Variants in SSX7 observed in about 807,000 individuals in gnomAD.
SSX7 encodes the protein SSX family member 7, also known as protein SSX7.
Under a neutral mutation model 14.7 loss-of-function variants are expected in SSX7, and 15 were observed. The ratio of observed to expected loss-of-function variants is 1.02; its 90% CI spans 0.68 to 1.58. The LOEUF (loss-of-function observed/expected upper bound fraction) is 1.58, where lower values mean the gene tolerates loss of function less well. SSX7 is among the 40% of genes most tolerant of loss of function. The probability of loss-of-function intolerance (pLI) is 0.00; values close to 1 mark genes in which losing one functional copy is unlikely to be tolerated. For missense variants in SSX7, 178 were observed against 146.8 expected, an observed-to-expected ratio of 1.21 and a Z score of -1.10; for synonymous variants, 46 against 50.6, an observed-to-expected ratio of 0.91 and a Z score of 0.38.
Position 52,653,011 on chromosome X carries a change from G to C in SSX7, c.70-27C>G, listed in dbSNP as rs781806558. ...TAGGAAAAGATAAAAAAGGAATTTTGTCAGTGACTCAGCTAGACATGTCTG... is the reference window on the plus strand; with the variant it reads ...TAGGAAAAGATAAAAAAGGAATTTTCTCAGTGACTCAGCTAGACATGTCTG... On this transcript the variant is annotated intron_variant, in intron 2 of 7. Transcript: ENST00000298181. 1.8e-5 allele frequency: 21 copies of C among 1,189,692 alleles called. No individual in the cohort carries two copies. The South Asian group carries it at 2.5e-4, about 14-fold the overall frequency.
intron 6 of SSX7, among the ~76,000 whole-genome samples, chrX:52,646,626 G>A (rs1385051014): frequency 8.9e-6 from 1 of 111,808 alleles, no homozygotes; most frequent in Admixed American, 9.5e-5. Flanking sequence ...ACCCATAGAA[G>A]ATGACAAACT....
chrX:52,645,920 CT>C (rs1280842117), intron 6 of SSX7, among the ~76,000 whole-genome samples: 1 of 110,480 alleles, frequency 9.1e-6, no homozygotes, highest in African/African-American at 3.3e-5. Context: ...TTTTTGGAAA[CT>C]CTCATCAATT....
chrX:52,648,543 T>C lies in SSX7; in HGVS notation c.331-147A>G, dbSNP rs1925325078. 14 of 940,784 alleles carry C rather than the reference T, an allele frequency of 1.5e-5. 1 individual carries two copies. The South Asian group carries it at 2.5e-4, about 17-fold the overall frequency. The allele number at this position is 940,784 out of a possible 1,213,427, so 77.5% of individuals were successfully genotyped here. Reference sequence around the variant, plus strand: ...ACACATGCCTAAATTAGGAGAAACCTGGGAAGTTAGACGGGAAAGGAATGG... The same window carrying C: ...ACACATGCCTAAATTAGGAGAAACCCGGGAAGTTAGACGGGAAAGGAATGG... On this transcript the variant is annotated intron_variant, in intron 5 of 7. Transcript: ENST00000298181.
At chrX:52,651,954 G>A (rs782660343) in intron 4 of SSX7, among the ~76,000 whole-genome samples, 15 of 102,864 alleles carry the variant, frequency 1.5e-4, no homozygotes, top group African/African-American at 5.2e-4. Flanking sequence ...ATCCCTGCCC[G>A]CCCTCCCTCC....
chrX:52,645,551 G>A lies in SSX7; in HGVS notation c.467-8C>T, dbSNP rs1556766252. On this transcript the variant is annotated splice_polypyrimidine_tract_variant and splice_region_variant and intron_variant, in intron 6 of 7. Transcript: ENST00000298181. ...GTTTCCCCCTTTTGGGTCCTGTGAT[G>A]GAGAATAGTTGGAAAGTGAGGGTTG... 2.5e-6 allele frequency: 3 copies of A among 1,187,851 alleles called. No homozygotes were observed. Among genetic ancestry groups the A allele is most frequent in the Non-Finnish European group, 3.4e-6 (3 of 879,998 alleles).
chrX:52,652,414 G>A, intron 3 of SSX7, 67 bp from the exon 4 acceptor site: 1 of 804,154 alleles, frequency 1.2e-6, no homozygotes, highest in South Asian at 2.1e-5. Flanking sequence ...GCTCATATCT[G>A]TAGTACCAGT....
chrX:52,650,808 T>G (rs782105720), intron 4 of SSX7, among the ~76,000 whole-genome samples: 5 of 112,336 alleles, frequency 4.5e-5, no homozygotes, highest in Non-Finnish European at 9.4e-5. Context: ...TGATGAACCA[T>G]GGATGATTTA....
chrX:52,648,605 T>A (rs1925327193), intron 5 of SSX7, among the ~76,000 whole-genome samples: 1 of 111,794 alleles, frequency 8.9e-6, no homozygotes, highest in African/African-American at 3.2e-5. Flanking sequence ...AGAATGCTTA[T>A]CTTCACACTC....
chrX:52,650,557 G>T (rs1275706319), intron 4 of SSX7, among the ~76,000 whole-genome samples, 155 bp from the exon 5 acceptor site: 2 of 112,288 alleles, frequency 1.8e-5, no homozygotes, highest in Non-Finnish European at 3.8e-5. Flanking sequence ...GTTTAGTCAT[G>T]GTTGATTCAT....
chrX:52,646,592 T>G (rs1925256863), intron 6 of SSX7, among the ~76,000 whole-genome samples: 1 of 111,707 alleles, frequency 9.0e-6, no homozygotes, highest in African/African-American at 3.3e-5. Flanking sequence ...TGTAATTGTT[T>G]GGGGGGTGGG....
intron 4 of SSX7, among the ~76,000 whole-genome samples, chrX:52,651,780 C>A (rs1243148772): frequency 2.7e-5 from 3 of 111,518 alleles, no homozygotes; most frequent in Non-Finnish European, 3.8e-5. Context: ...GAGGCTGAGG[C>A]AGGAGAATCA....
At position 52,654,780 on chromosome X, in the gene SSX7, G is replaced by A. The variant is rs1601978021; in HGVS notation, c.-39C>T. The A allele has an allele frequency of 8.9e-6, 1 of 111,910 alleles. No homozygotes were observed. The highest frequency in any genetic ancestry group is 1.9e-5 in the Non-Finnish European group (1 of 53,404). 9.2% of individuals were successfully genotyped at this position (111,910 alleles called of 1,213,427 possible). A position where few individuals can be genotyped will look rare whatever the true frequency, so the allele number is the denominator to read the frequency against. ...TGCGTACTCTGAGTATGGAAGAATCGAGAGAGAAAGTCAGAGCATGCATAC... is the reference window on the plus strand; with the variant it reads ...TGCGTACTCTGAGTATGGAAGAATCAAGAGAGAAAGTCAGAGCATGCATAC... On this transcript the variant is annotated 5_prime_UTR_variant, in exon 1 of 8. Coordinates refer to ENST00000298181, the MANE Select transcript of SSX7 (RefSeq NM_173358.2).
intron 3 of SSX7, 101 bp downstream of exon 3, chrX:52,652,769 G>T (rs1925477736): frequency 7.3e-6 from 6 of 825,077 alleles, no homozygotes; most frequent in East Asian, 3.6e-5. Context: ...CTGCACAAAA[G>T]GAAAATGTGG....
At chrX:52,646,360 T>G (rs1365417258) in intron 6 of SSX7, among the ~76,000 whole-genome samples, 1 of 112,318 alleles carries the variant, frequency 8.9e-6, no homozygotes, top group East Asian at 2.8e-4. Flanking sequence ...ACGGCGCCCG[T>G]CCGTGTTTTT....
chrX:52,653,907 A>G (rs1556767394), intron 1 of SSX7, among the ~76,000 whole-genome samples: 1 of 111,445 alleles, frequency 9.0e-6, no homozygotes, highest in Non-Finnish European at 1.9e-5. Context: ...AGTCCCAGAG[A>G]TAACATCGTC....
chrX:52,647,999 T>C (rs1210385052), intron 6 of SSX7, among the ~76,000 whole-genome samples: 2 of 112,260 alleles, frequency 1.8e-5, no homozygotes, highest in Non-Finnish European at 3.8e-5. Context: ...TGAACTATGA[T>C]TCTTTATTTC....
chrX:52,647,838 G>A (rs1268445930), intron 6 of SSX7, among the ~76,000 whole-genome samples: 13 of 111,873 alleles, frequency 1.2e-4, no homozygotes, highest in Non-Finnish European at 5.6e-5. Context: ...GTCTGGAACC[G>A]AATCTGCAAT....
chrX:52,647,235 T>A (rs1601973962), intron 6 of SSX7, among the ~76,000 whole-genome samples: 1 of 112,215 alleles, frequency 8.9e-6, no homozygotes, highest in East Asian at 2.8e-4. Flanking sequence ...AGAAGCCATC[T>A]CCATAACTTA....
chrX:52,651,060 C>T (rs1193599670), intron 4 of SSX7, among the ~76,000 whole-genome samples: 11 of 111,711 alleles, frequency 9.8e-5, no homozygotes, highest in African/African-American at 3.6e-4. Flanking sequence ...CTTTATATTC[C>T]CAAAACGTAC....
Sources: gnomAD v4.1 joint callset for allele counts (sites outside exome capture counted in the v4.1 genomes callset) on GRCh38, gnomAD v4.1.1 for gene constraint, MANE v1.5 for transcripts, NCBI Gene and HGNC (gene_info 2026-07-23, HGNC 2026-07-21) for gene names.